Variants in CELF4 observed in about 807,000 individuals in gnomAD.
The protein encoded by CELF4 is CUG-BP- and ETR-3-like factor 4.
CELF4 carries 18 observed loss-of-function variants against 59.9 expected under a neutral mutation model. That is an observed-to-expected ratio of 0.30 (90% CI 0.21 to 0.45). The LOEUF is 0.45. Ranked by LOEUF, CELF4 falls within the 20% of genes least tolerant of loss-of-function variation. The pLI is 1.00. For missense variants in CELF4, 456 were observed against 689.0 expected (o/e 0.66, Z 3.79); for synonymous variants, 261 against 267.1 (o/e 0.98, Z 0.22).
At chr18:37,419,508 G>A (rs1362629351) in intron 2 of CELF4, among the ~76,000 whole-genome samples, 1 of 152,128 alleles carries the variant, frequency 6.6e-6, no homozygotes, top group African/African-American at 2.4e-5. Flanking sequence ...CTGGGAACTG[G>A]CATCGGACCA....
intron 1 of CELF4, among the ~76,000 whole-genome samples, chr18:37,550,741 G>A (rs1024434649): frequency 6.6e-6 from 1 of 152,202 alleles, no homozygotes; most frequent in Non-Finnish European, 1.5e-5. Context: ...GCAGACCTCT[G>A]CTGCCTCCCA....
At chr18:37,526,613 C>T in intron 1 of CELF4, among the ~76,000 whole-genome samples, 1 of 152,208 alleles carries the variant, frequency 6.6e-6, no homozygotes. Flanking sequence ...TTTAATGGAA[C>T]CGTTGAAGGC....
At chr18:37,437,511 G>C (rs2099696747) in intron 2 of CELF4, among the ~76,000 whole-genome samples, 1 of 152,194 alleles carries the variant, frequency 6.6e-6, no homozygotes, top group African/African-American at 2.4e-5. Flanking sequence ...CTGGGGGAAT[G>C]GGGGCATAAA....
intron 2 of CELF4, among the ~76,000 whole-genome samples, chr18:37,468,034 G>A (rs139438707): frequency 1.2e-4 from 19 of 152,324 alleles, no homozygotes; most frequent in African/African-American, 3.1e-4. Context: ...CTGTATGTGC[G>A]CAAGTACATC....
At chr18:37,491,213 T>G (rs1055564765) in intron 1 of CELF4, among the ~76,000 whole-genome samples, 5 of 150,396 alleles carry the variant, frequency 3.3e-5, no homozygotes, top group African/African-American at 7.3e-5. Flanking sequence ...AGGGACGCCG[T>G]GCCCACCTCC....
intron 2 of CELF4, among the ~76,000 whole-genome samples, chr18:37,482,865 G>A (rs896628866): frequency 6.6e-6 from 1 of 152,194 alleles, no homozygotes; most frequent in Non-Finnish European, 1.5e-5. Context: ...TCTCCTCAGC[G>A]AGAAAGTGGA....
chr18:37,544,438 A>G (rs1567991962), intron 1 of CELF4, among the ~76,000 whole-genome samples: 1 of 152,052 alleles, frequency 6.6e-6, no homozygotes. Context: ...CTCCCCACTG[A>G]ATGGACTCTG....
Position 37,270,788 on chromosome 18 carries a change from T to C in CELF4, c.1079A>G (p.Asn360Ser). Residue 360 changes from asparagine to serine, a missense_variant, in exon 8 of 13, where the codon AAT (asparagine) becomes AGT (serine). This residue lies in a region of CELF4 where 256 missense variants were observed against 340.8 expected (regional missense o/e 0.75). Coordinates refer to ENST00000420428, the MANE Select transcript of CELF4 (RefSeq NM_020180.4). The stretch of plus-strand genomic sequence containing the variant: ...CTTACCTGGGTAGGGGTGGATGCCA[T>C]TGGCGAACACAGCTTCCGCAGCAGG... ...GQPAAEAVFA[N>S]GIHPYPAQSP... 1.2e-6 allele frequency: 2 copies of C among 1,613,988 alleles called. No individual in the cohort carries two copies. The highest frequency in any genetic ancestry group is 2.2e-5 in the South Asian group (2 of 91,074).
intron 1 of CELF4, among the ~76,000 whole-genome samples, chr18:37,542,759 T>A (rs11662037): frequency 0.24 from 36,171 of 152,084 alleles, 4,656 homozygotes; most frequent in Non-Finnish European, 0.27. Context: ...ATTCTAGATG[T>A]TTCTACATTT....
At chr18:37,295,777 G>A (rs191418714) in intron 3 of CELF4, among the ~76,000 whole-genome samples, 2 of 152,326 alleles carry the variant, frequency 1.3e-5, no homozygotes, top group East Asian at 3.9e-4. Flanking sequence ...GCATCCGAAG[G>A]GAGGCACCCA....
intron 1 of CELF4, among the ~76,000 whole-genome samples, chr18:37,504,615 A>G (rs1206366866): frequency 3.9e-5 from 6 of 152,194 alleles, no homozygotes; most frequent in African/African-American, 1.2e-4. Flanking sequence ...TTAAGTGAGA[A>G]CACACATGCC....
intron 1 of CELF4, among the ~76,000 whole-genome samples, chr18:37,564,856 C>A (rs1431327921): frequency 6.6e-6 from 1 of 152,088 alleles, no homozygotes; most frequent in African/African-American, 2.4e-5. Context: ...GAATTTGTCA[C>A]CTCTCTCCCT....
chr18:37,364,158 C>T (rs2098745833), intron 2 of CELF4, among the ~76,000 whole-genome samples: 1 of 152,206 alleles, frequency 6.6e-6, no homozygotes, highest in Non-Finnish European at 1.5e-5. Flanking sequence ...CTTCTGTTTG[C>T]ACTTAGGCTT....
intron 3 of CELF4, among the ~76,000 whole-genome samples, chr18:37,311,714 G>A (rs770654589): frequency 1.3e-4 from 19 of 150,798 alleles, no homozygotes; most frequent in African/African-American, 3.7e-4. Flanking sequence ...GCTTGAACCC[G>A]GGAGGCGGAG....
intron 2 of CELF4, among the ~76,000 whole-genome samples, chr18:37,431,372 T>TC (rs1179140159): frequency 1.5e-5 from 2 of 137,746 alleles, no homozygotes; most frequent in African/African-American, 5.3e-5. Flanking sequence ...CTTTTTTTTT[T>TC]TTTTTTTTTT....
At chr18:37,335,654 C>A (rs576710485) in intron 2 of CELF4, among the ~76,000 whole-genome samples, 83 of 152,128 alleles carry the variant, frequency 5.5e-4, no homozygotes, top group Non-Finnish European at 1.0e-3. Flanking sequence ...CCTCCCTGGC[C>A]TGTGTCTGGG....
At chr18:37,339,884 G>A (rs1056089899) in intron 2 of CELF4, among the ~76,000 whole-genome samples, 1 of 152,110 alleles carries the variant, frequency 6.6e-6, no homozygotes, top group African/African-American at 2.4e-5. Flanking sequence ...GGAGAGGGTA[G>A]GCGCTGAACT....
chr18:37,434,024 C>T (rs1006078337), intron 2 of CELF4, among the ~76,000 whole-genome samples: 1 of 152,222 alleles, frequency 6.6e-6, no homozygotes, highest in African/African-American at 2.4e-5. Context: ...GCTCCCTACA[C>T]CTAAGGCCCT....
At chr18:37,250,800 C>T (rs1313093049) in intron 12 of CELF4, among the ~76,000 whole-genome samples, 1 of 152,194 alleles carries the variant, frequency 6.6e-6, no homozygotes, top group East Asian at 1.9e-4. Flanking sequence ...GAGCTTCCAA[C>T]AGTCTTGGGC....
Sources: allele counts gnomAD v4.1 joint callset (sites outside exome capture counted in the v4.1 genomes callset), GRCh38; gene constraint gnomAD v4.1.1; regional missense constraint gnomAD v4.1.1; transcripts MANE v1.5; gene names NCBI Gene and HGNC (gene_info 2026-07-23, HGNC 2026-07-21).